The following FAR2 variants were observed in gnomAD, a reference collection of about 807,000 sequenced individuals.
FAR2 encodes fatty acyl-CoA reductase 2.
Under a neutral mutation model 56.0 loss-of-function variants are expected in FAR2, and 19 were observed. That is an observed-to-expected ratio of 0.34 (90% CI 0.24 to 0.50). The LOEUF (loss-of-function observed/expected upper bound fraction) is 0.50. Ranked by LOEUF, FAR2 falls within the 20% of genes least tolerant of loss-of-function variation. FAR2 has a pLI of 0.98. For synonymous variants in FAR2, 219 were observed against 218.8 expected, an observed-to-expected ratio of 1.00 and a Z score of -0.01; for missense variants, 508 against 642.2, an observed-to-expected ratio of 0.79 and a Z score of 2.26.
chr12:29,309,178 TC>T lies in FAR2; in HGVS notation c.724-7del. The T allele has an allele frequency of 1.3e-6, 2 of 1,592,730 alleles. No homozygotes were observed. The highest frequency in any genetic ancestry group is 1.7e-6 in the Non-Finnish European group (2 of 1,163,174). On this transcript the variant is annotated splice_polypyrimidine_tract_variant and splice_region_variant and intron_variant, in intron 5 of 11. Coordinates refer to ENST00000536681, the MANE Select transcript of FAR2 (RefSeq NM_001271783.2). ...ATGTGTAACCAATAGAAATCTTCTT[TC>T]TTTTAGGGTTGGGTTGATAATATAA...
chr12:29,208,365 A>T (rs1181142330), intron 1 of FAR2, among the ~76,000 whole-genome samples: 3 of 152,142 alleles, frequency 2.0e-5, no homozygotes, highest in African/African-American at 4.8e-5. Context: ...TGCAGCCCAG[A>T]CTGTGGTGAG....
At chr12:29,209,828 A>G (rs1186710934) in intron 1 of FAR2, among the ~76,000 whole-genome samples, 2 of 152,210 alleles carry the variant, frequency 1.3e-5, no homozygotes, top group East Asian at 1.9e-4. Flanking sequence ...ACTCATTTAC[A>G]TACACTAATT....
intron 4 of FAR2, among the ~76,000 whole-genome samples, chr12:29,299,643 A>C (rs1949128359): frequency 6.6e-6 from 1 of 152,224 alleles, no homozygotes; most frequent in East Asian, 1.9e-4. Context: ...AAAAACAGGG[A>C]AAAGTCATAC....
chr12:29,270,553 C>G lies in FAR2; in HGVS notation c.104C>G (p.Pro35Arg). The G allele has an allele frequency of 1.2e-6, 2 of 1,614,070 alleles. No individual in the cohort carries two copies. The highest frequency in any genetic ancestry group is 8.5e-7 in the Non-Finnish European group (1 of 1,179,962). The change falls in exon 2 of 12, where the codon CCA (proline) becomes CGA (arginine). Residue 35 changes from proline to arginine, a missense_variant. Pro to Arg is a moderately radical substitution (Grantham distance 103). Transcript: ENST00000536681. ...ATGGAGAAGCTGTTTCGCACCAGCC[C>G]AGACCTGAAAGTCATTTACATCCTT... ...VLMEKLFRTS[P>R]DLKVIYILVR...
chr12:29,270,184 C>T (rs1948591350), intron 1 of FAR2, among the ~76,000 whole-genome samples: 1 of 152,198 alleles, frequency 6.6e-6, no homozygotes, highest in African/African-American at 2.4e-5. Flanking sequence ...GGAATCATGT[C>T]TTTCTCATTT....
chr12:29,236,293 G>T, intron 1 of FAR2, among the ~76,000 whole-genome samples: 1 of 152,024 alleles, frequency 6.6e-6, no homozygotes, highest in Non-Finnish European at 1.5e-5. Context: ...TTTAATATTC[G>T]GCAAGAATTA....
intron 2 of FAR2, among the ~76,000 whole-genome samples, chr12:29,276,767 A>C (rs1948708584): frequency 6.6e-6 from 1 of 152,078 alleles, no homozygotes; most frequent in South Asian, 2.1e-4. Context: ...AAGACAAGAC[A>C]GATAAAATTG....
chr12:29,213,587 G>A (rs973959310), intron 1 of FAR2, among the ~76,000 whole-genome samples: 11 of 151,898 alleles, frequency 7.2e-5, no homozygotes, highest in Middle Eastern at 3.4e-3. Flanking sequence ...CTACTCAGGC[G>A]GCTGAGGCAG....
intron 1 of FAR2, among the ~76,000 whole-genome samples, chr12:29,212,836 T>TA (rs562370767): frequency 2.5e-3 from 384 of 152,362 alleles, no homozygotes; most frequent in African/African-American, 8.8e-3. Flanking sequence ...GGGTTTGAAT[T>TA]ATCCTGCTAT....
At chr12:29,332,260 T>G (rs1242182878) in intron 10 of FAR2, among the ~76,000 whole-genome samples, 1 of 152,324 alleles carries the variant, frequency 6.6e-6, no homozygotes, top group African/African-American at 2.4e-5. Flanking sequence ...AACATATTAT[T>G]CTATCACTTT....
intron 1 of FAR2, among the ~76,000 whole-genome samples, chr12:29,181,839 G>T (rs1445571923): frequency 6.6e-6 from 1 of 152,178 alleles, no homozygotes; most frequent in Non-Finnish European, 1.5e-5. Flanking sequence ...CATCTTAAAA[G>T]CAAACACAAA....
At chr12:29,297,254 CTCTT>C (rs1432321143) in intron 4 of FAR2, 54 bp downstream of exon 4, 3 of 1,482,004 alleles carry the variant, frequency 2.0e-6, no homozygotes, top group Non-Finnish European at 2.7e-6. Flanking sequence ...TTCCTTTGTT[CTCTT>C]TGATTCTTTG....
Position 29,269,916 on chromosome 12 carries a change from C to T in FAR2, c.-38-496C>T, listed in dbSNP as rs1438677354. Among the ~76,000 whole-genome samples, 3 of 152,300 alleles carry T rather than the reference C, an allele frequency of 2.0e-5. No homozygotes were observed. The South Asian group carries it at 6.2e-4, about 32-fold the overall frequency. On this transcript the variant is annotated intron_variant, in intron 1 of 11. Coordinates refer to ENST00000536681, the MANE Select transcript of FAR2 (RefSeq NM_001271783.2). Reference sequence around the variant, plus strand: ...TCATTTATGTCCTGTAACACTGCATCCCTTTATTTCCCCTAAGCACGCTGT... The same window carrying T: ...TCATTTATGTCCTGTAACACTGCATTCCTTTATTTCCCCTAAGCACGCTGT...
intron 1 of FAR2, among the ~76,000 whole-genome samples, chr12:29,245,271 C>T (rs753450623): frequency 6.6e-6 from 1 of 152,170 alleles, no homozygotes; most frequent in Non-Finnish European, 1.5e-5. Context: ...TGAGCCACTG[C>T]GCCTGGCCCT....
At chr12:29,202,998 A>G (rs1217234444) in intron 1 of FAR2, among the ~76,000 whole-genome samples, 1 of 152,240 alleles carries the variant, frequency 6.6e-6, no homozygotes, top group Non-Finnish European at 1.5e-5. Context: ...TCTGAGAATC[A>G]TAAAAGAAAT....
chr12:29,314,086 ATTC>A (rs1362684421), intron 8 of FAR2, among the ~76,000 whole-genome samples: 4 of 152,198 alleles, frequency 2.6e-5, no homozygotes, highest in African/African-American at 9.6e-5. Flanking sequence ...TTTCATTTAA[ATTC>A]TTCTTTGACC....
intron 1 of FAR2, among the ~76,000 whole-genome samples, chr12:29,204,540 C>T (rs966314928): frequency 2.0e-5 from 3 of 152,170 alleles, no homozygotes; most frequent in African/African-American, 7.2e-5. Flanking sequence ...CACAGAAGGC[C>T]TGTGCAAAGG....
chr12:29,299,213 C>CAAAAAAAA (rs71042981), intron 4 of FAR2, among the ~76,000 whole-genome samples: 6 of 103,586 alleles, frequency 5.8e-5, no homozygotes, highest in African/African-American at 1.2e-4. Context: ...AACTTTGTCT[C>CAAAAAAAA]AAAAAAAAAA....
At chr12:29,283,690 T>C (rs1948823436) in intron 2 of FAR2, among the ~76,000 whole-genome samples, 1 of 152,222 alleles carries the variant, frequency 6.6e-6, no homozygotes, top group South Asian at 2.1e-4. Context: ...TCTGAGGAGC[T>C]GCTAGGTAAA....
Sources: gnomAD v4.1 joint callset for allele counts (sites outside exome capture counted in the v4.1 genomes callset) on GRCh38, gnomAD v4.1.1 for gene constraint, MANE v1.5 for transcripts, NCBI Gene and HGNC (gene_info 2026-07-23, HGNC 2026-07-21) for gene names.